GNG12: variants seen among roughly 807,000 people sequenced by gnomAD.
The protein encoded by GNG12 is guanine nucleotide-binding protein G(I)/G(S)/G(O) subunit gamma-12.
For missense variants in GNG12, 69 were observed against 83.8 expected (o/e 0.82, Z 0.69); for synonymous variants, 28 against 29.7 (o/e 0.94, Z 0.19).
intron 2 of GNG12, among the ~76,000 whole-genome samples, chr1:67,729,607 G>C (rs190573185): frequency 6.6e-6 from 1 of 152,132 alleles, no homozygotes; most frequent in Non-Finnish European, 1.5e-5. Context: ...CAATGGCCTT[G>C]GTTTTCTTGG....
At chr1:67,735,650 C>A (rs1646448617) in intron 2 of GNG12, among the ~76,000 whole-genome samples, 1 of 152,024 alleles carries the variant, frequency 6.6e-6, no homozygotes, top group South Asian at 2.1e-4. Context: ...ATAAAGAATA[C>A]CAAATAATTT....
At chr1:67,748,340 C>T (rs949889107) in intron 2 of GNG12, among the ~76,000 whole-genome samples, 2 of 152,194 alleles carry the variant, frequency 1.3e-5, no homozygotes, top group African/African-American at 2.4e-5. Flanking sequence ...AAAGGTCAAT[C>T]AGATACAAAA....
intron 1 of GNG12, among the ~76,000 whole-genome samples, chr1:67,780,894 A>AG (rs1415833574): frequency 6.6e-6 from 1 of 152,208 alleles, no homozygotes; most frequent in Non-Finnish European, 1.5e-5. Context: ...GCCATTATCA[A>AG]GGACTGCCAG....
At chr1:67,720,674 C>G (rs1160483877) in intron 2 of GNG12, among the ~76,000 whole-genome samples, 1 of 152,130 alleles carries the variant, frequency 6.6e-6, no homozygotes, top group Admixed American at 6.5e-5. Context: ...AAAGGCATTA[C>G]TATTATTCAT....
intron 2 of GNG12, among the ~76,000 whole-genome samples, chr1:67,748,774 G>A (rs1402010982): frequency 6.6e-6 from 1 of 152,208 alleles, no homozygotes; most frequent in Non-Finnish European, 1.5e-5. Context: ...AAAGTCTGCA[G>A]AGTGCTAATC....
chr1:67,756,994 T>C (rs774328633), intron 2 of GNG12, among the ~76,000 whole-genome samples: 7 of 152,200 alleles, frequency 4.6e-5, no homozygotes, highest in Non-Finnish European at 8.8e-5. Flanking sequence ...ATAGTACGAC[T>C]TTTCTAAATG....
intron 2 of GNG12, among the ~76,000 whole-genome samples, chr1:67,752,475 CT>C (rs1646544553): frequency 6.6e-6 from 1 of 152,172 alleles, no homozygotes; most frequent in Non-Finnish European, 1.5e-5. Flanking sequence ...GTACCTTGAG[CT>C]GTTATTCTAA....
intron 2 of GNG12, among the ~76,000 whole-genome samples, chr1:67,733,880 G>C (rs563087065): frequency 2.6e-5 from 4 of 152,180 alleles, no homozygotes; most frequent in African/African-American, 7.2e-5. Flanking sequence ...CTGCAGAATC[G>C]TAAGGCCCCT....
chr1:67,805,991 T>C (rs1039488287), intron 1 of GNG12, among the ~76,000 whole-genome samples: 1 of 151,456 alleles, frequency 6.6e-6, no homozygotes, highest in Non-Finnish European at 1.5e-5. Context: ...GAATGAATCA[T>C]ATAAAGTATT....
intron 2 of GNG12, among the ~76,000 whole-genome samples, chr1:67,774,830 G>C (rs1383008734): frequency 6.6e-6 from 1 of 152,040 alleles, no homozygotes; most frequent in East Asian, 1.9e-4. Context: ...ATTTTAACCA[G>C]GCATTTTGAA....
At chr1:67,821,183 C>T (rs537233297) in intron 1 of GNG12, among the ~76,000 whole-genome samples, 2 of 152,288 alleles carry the variant, frequency 1.3e-5, no homozygotes, top group Non-Finnish European at 2.9e-5. Flanking sequence ...GAATATATTA[C>T]ATTACATGGC....
chr1:67,766,098 G>GCACACACACACA (rs1278948416), intron 2 of GNG12, among the ~76,000 whole-genome samples: 5 of 100,888 alleles, frequency 5.0e-5, no homozygotes, highest in African/African-American at 1.8e-4. Flanking sequence ...ACAAAACAAG[G>GCACACACACACA]CACACACGCA....
At chr1:67,812,627 A>G (rs1646932382) in intron 1 of GNG12, among the ~76,000 whole-genome samples, 2 of 152,208 alleles carry the variant, frequency 1.3e-5, no homozygotes, top group South Asian at 4.1e-4. Context: ...CCATTCGAAA[A>G]GAAGGCCTCT....
chr1:67,707,633 C>T lies in GNG12; in HGVS notation c.54G>A (p.Val18=). 2 of 1,606,758 alleles carry T rather than the reference C, an allele frequency of 1.2e-6. No individual in the cohort carries two copies. The highest frequency in any genetic ancestry group is 1.7e-6 in the Non-Finnish European group (2 of 1,175,798). Residue 18 remains valine, a synonymous_variant, in exon 3 of 4, where the codon GTG becomes GTA. Coordinates refer to ENST00000370982, the MANE Select transcript of GNG12 (RefSeq NM_018841.6). ...TGGAGGCTTCTAATCTTAACTGCTGCACAGTTCTCCTTGCCTGGGCTATAT... is the reference window on the plus strand; with the variant it reads ...TGGAGGCTTCTAATCTTAACTGCTGTACAGTTCTCCTTGCCTGGGCTATAT... ...TNNIAQARRT[V]QQLRLEASIE... is the part of the protein sequence containing the mutation.
intron 2 of GNG12, among the ~76,000 whole-genome samples, chr1:67,763,580 T>TA (rs1220764684): frequency 6.6e-6 from 1 of 151,980 alleles, no homozygotes; most frequent in Non-Finnish European, 1.5e-5. Flanking sequence ...TCACCCAAGT[T>TA]AGAGTGCAGT....
chr1:67,807,943 T>C (rs1646902511), intron 1 of GNG12, among the ~76,000 whole-genome samples: 1 of 152,114 alleles, frequency 6.6e-6, no homozygotes, highest in African/African-American at 2.4e-5. Flanking sequence ...GCAGACAGAA[T>C]ACATCCTAAC....
chr1:67,748,373 A>C (rs1331029916), intron 2 of GNG12, among the ~76,000 whole-genome samples: 1 of 152,204 alleles, frequency 6.6e-6, no homozygotes. Context: ...CTGAAACCAT[A>C]CCATAGGCTA....
At chr1:67,713,312 G>T (rs1646307142) in intron 2 of GNG12, among the ~76,000 whole-genome samples, 1 of 152,100 alleles carries the variant, frequency 6.6e-6, no homozygotes, top group Admixed American at 6.5e-5. Flanking sequence ...TTTGCATATG[G>T]GTAACAGATT....
rs114269819 is a variant in GNG12, at chr1:67,820,311, C to T, written c.-77+13033G>A. ...GGCTGAGACAGGAGAATTGCTTGAACCCGGATGGCGGAGGTTGCCAAGATT... is the reference window on the plus strand; with the variant it reads ...GGCTGAGACAGGAGAATTGCTTGAATCCGGATGGCGGAGGTTGCCAAGATT... On this transcript the variant is annotated intron_variant, in intron 1 of 3. Transcript: ENST00000370982. 1.0e-3 allele frequency among the ~76,000 whole-genome samples: 159 copies of T among 151,872 alleles called. 1 individual carries two copies. The highest frequency in any genetic ancestry group is 1.7e-3 in the Non-Finnish European group (118 of 67,944).
Sources: gnomAD v4.1 joint callset for allele counts (sites outside exome capture counted in the v4.1 genomes callset) on GRCh38, gnomAD v4.1.1 for gene constraint, MANE v1.5 for transcripts, NCBI Gene and HGNC (gene_info 2026-07-23, HGNC 2026-07-21) for gene names.